TESC: variants seen among roughly 807,000 people sequenced by gnomAD.
TESC encodes the protein calcineurin B homologous protein 3.
TESC carries 19 observed loss-of-function variants against 31.0 expected under a neutral mutation model. The ratio of observed to expected loss-of-function variants is 0.61; its 90% CI spans 0.43 to 0.90. The LOEUF (loss-of-function observed/expected upper bound fraction) is 0.90, where lower values mean the gene tolerates loss of function less well. Among genes scored for constraint, TESC ranks in the 40% least tolerant of loss-of-function variants. TESC has a pLI of 0.00. For missense variants in TESC, 248 were observed against 303.8 expected (o/e 0.82, Z 1.36); for synonymous variants, 109 against 114.8 (o/e 0.95, Z 0.32).
chr12:117,052,449 C>A (rs1199912333), intron 3 of TESC, among the ~76,000 whole-genome samples: 2 of 152,184 alleles, frequency 1.3e-5, no homozygotes, highest in East Asian at 3.9e-4. Flanking sequence ...CTGTAGCCCA[C>A]GAAGTTGTTC....
chr12:117,075,951 A>G (rs1441689889), intron 1 of TESC, among the ~76,000 whole-genome samples: 8 of 77,872 alleles, frequency 1.0e-4, no homozygotes, highest in African/African-American at 3.7e-4. Flanking sequence ...GTATATATAC[A>G]TATATATATA....
chr12:117,067,769 C>A (rs1954907771), intron 2 of TESC, among the ~76,000 whole-genome samples: 1 of 152,198 alleles, frequency 6.6e-6, no homozygotes, highest in Non-Finnish European at 1.5e-5. Context: ...GTTGCTTAAT[C>A]TGTAAAATGG....
At chr12:117,051,486 G>A (rs940246000) in intron 3 of TESC, among the ~76,000 whole-genome samples, 1 of 151,924 alleles carries the variant, frequency 6.6e-6, no homozygotes, top group Non-Finnish European at 1.5e-5. Context: ...CTCTTTTATC[G>A]TATGAAGCTC....
In TESC at chr12:117,056,843, T is replaced by C. The variant is rs1238888743; in HGVS notation, c.172A>G (p.Ile58Val). Residue 58 changes from isoleucine (I) to valine (V), a missense_variant, in exon 3 of 8, where the codon ATC becomes GTC. Transcript: ENST00000335209. ...AAGGCACGAACAATTTTGGATCGGATGGGGTTGAGCTCCAGGTCCGGGACA... is the reference window on the plus strand; with the variant it reads ...AAGGCACGAACAATTTTGGATCGGACGGGGTTGAGCTCCAGGTCCGGGACA... ...NNVPDLELNP[I>V]RSKIVRAFFD... 6.2e-7 allele frequency: 1 copy of C among 1,614,048 alleles called. No individual in the cohort carries two copies. The highest frequency in any genetic ancestry group is 1.3e-5 in the African/African-American group (1 of 75,008).
rs1439820432 is a variant in TESC, at chr12:117,099,242, A to AT, written c.40_41insA (p.Leu14HisfsTer20). The AT allele has an allele frequency of 6.8e-7, 1 of 1,477,866 alleles. No individual in the cohort carries two copies. The highest frequency in any genetic ancestry group is 3.0e-5 in the East Asian group (1 of 33,708). 91.5% of individuals were successfully genotyped at this position (1,477,866 alleles called of 1,614,324 possible). A position where few individuals can be genotyped will look rare whatever the true frequency, so the allele number is the denominator to read the frequency against. ...GTACTCACAGCCGGTCTTGCCCTCGAGCTCCCGCACCTCCTCAGACGCGGA... is the reference window on the plus strand; with the variant it reads ...GTACTCACAGCCGGTCTTGCCCTCGATGCTCCCGCACCTCCTCAGACGCGGA... On this transcript the variant is annotated frameshift_variant, in exon 1 of 8. Coordinates refer to ENST00000335209, the MANE Select transcript of TESC (RefSeq NM_017899.4). LOFTEE classifies it high-confidence loss of function.
At chr12:117,090,214 T>C (rs1282506683) in intron 1 of TESC, among the ~76,000 whole-genome samples, 1 of 152,224 alleles carries the variant, frequency 6.6e-6, no homozygotes. Context: ...GAAGAGTGGT[T>C]GCAAGAATTA....
At chr12:117,086,035 T>C (rs1453216118) in intron 1 of TESC, among the ~76,000 whole-genome samples, 2 of 152,004 alleles carry the variant, frequency 1.3e-5, no homozygotes, top group African/African-American at 4.8e-5. Flanking sequence ...ACACTAGATA[T>C]ACAAGGCCAG....
intron 3 of TESC, among the ~76,000 whole-genome samples, chr12:117,052,584 G>A (rs544469557): frequency 1.2e-4 from 18 of 152,226 alleles, no homozygotes; most frequent in Middle Eastern, 3.4e-3. Flanking sequence ...GCCAGAGGCC[G>A]AGGTCCAGGG....
intron 2 of TESC, among the ~76,000 whole-genome samples, chr12:117,065,295 G>C (rs73405273): frequency 0.21 from 31,363 of 152,164 alleles, 4,326 homozygotes; most frequent in African/African-American, 0.4. Context: ...CAGGGGCTGG[G>C]GGAGCAGAGG....
chr12:117,064,815 C>G (rs1248571405), intron 2 of TESC, among the ~76,000 whole-genome samples: 1 of 152,168 alleles, frequency 6.6e-6, no homozygotes. Flanking sequence ...ATGTGTCCAG[C>G]TGGTGGGGAG....
intron 2 of TESC, among the ~76,000 whole-genome samples, chr12:117,061,503 T>C (rs1954800460): frequency 6.6e-6 from 1 of 151,444 alleles, no homozygotes; most frequent in East Asian, 1.9e-4. Flanking sequence ...GGAGAAGAAA[T>C]TAACTCAACA....
rs572012865 is a variant in TESC at position 117,040,146 on chromosome 12, C to G, written c.568-936G>C. On this transcript the variant is annotated intron_variant, in intron 7 of 7. Transcript: ENST00000335209. ...CGTGGGCACCCAGGCGACAGGGAGG[C>G]CTTGGGACATTTCCGGCCGCAGCCC... Among the ~76,000 whole-genome samples, 6 of 152,382 alleles carry G rather than the reference C, an allele frequency of 3.9e-5. No homozygotes were observed. The East Asian group carries it at 1.2e-3, about 29-fold the overall frequency.
chr12:117,082,486 G>A (rs1955162284), intron 1 of TESC, among the ~76,000 whole-genome samples: 1 of 148,844 alleles, frequency 6.7e-6, no homozygotes, highest in South Asian at 2.1e-4. Flanking sequence ...GGGGGGACAA[G>A]AGTGAGACTT....
Position 117,086,178 on chromosome 12 carries a change from T to C in TESC, c.59-10838A>G, listed in dbSNP as rs950725694. Among the ~76,000 whole-genome samples, 8 of 152,160 alleles carry C rather than the reference T, an allele frequency of 5.3e-5. No individual in the cohort carries two copies. In the East Asian group the frequency reaches 1.5e-3, roughly 29 times the overall value. ...GACTGCTAATGGGTATGAGGTTTTT[T>C]GGAGGGCGATGAAAATGCTCTAGAA... On this transcript the variant is annotated intron_variant, in intron 1 of 7. Coordinates refer to ENST00000335209, the MANE Select transcript of TESC (RefSeq NM_017899.4).
At chr12:117,050,853 A>G (rs1954638750) in intron 3 of TESC, among the ~76,000 whole-genome samples, 1 of 152,202 alleles carries the variant, frequency 6.6e-6, no homozygotes, top group African/African-American at 2.4e-5. Context: ...TGAGCCCAGG[A>G]GGCCGAGGCT....
chr12:117,098,840 C>T (rs1410323577), intron 1 of TESC, among the ~76,000 whole-genome samples: 3 of 152,186 alleles, frequency 2.0e-5, no homozygotes, highest in Non-Finnish European at 2.9e-5. Context: ...TCCGCTCTCG[C>T]GCTCACGAAT....
At chr12:117,047,899 A>G (rs1007846734) in intron 4 of TESC, among the ~76,000 whole-genome samples, 1 of 151,900 alleles carries the variant, frequency 6.6e-6, no homozygotes, top group Non-Finnish European at 1.5e-5. Flanking sequence ...CAGCACCACT[A>G]TGCCGTGCTC....
At position 117,064,681 on chromosome 12, in the gene TESC, G is replaced by A. The variant is rs368557189; in HGVS notation, c.129-7795C>T. On this transcript the variant is annotated intron_variant, in intron 2 of 7. Transcript: ENST00000335209. ...GATGAGTACTTTGCAGAGAAATTCA[G>A]CAGAGAAAGGGAGGGGACCACAGGA... Among the ~76,000 whole-genome samples, 31 of 152,340 alleles carry A rather than the reference G, an allele frequency of 2.0e-4. 1 individual carries two copies. Among genetic ancestry groups the A allele is most frequent in the Admixed American group, 5.9e-4 (9 of 15,302 alleles).
At chr12:117,074,765 G>A (rs552847662) in intron 2 of TESC, among the ~76,000 whole-genome samples, 2 of 152,308 alleles carry the variant, frequency 1.3e-5, no homozygotes, top group South Asian at 2.1e-4. Flanking sequence ...TCGCTTCCAC[G>A]ATAGTTATAA....
Sources: allele counts gnomAD v4.1 joint callset (sites outside exome capture counted in the v4.1 genomes callset), GRCh38; gene constraint gnomAD v4.1.1; transcripts MANE v1.5; gene names NCBI Gene and HGNC (gene_info 2026-07-23, HGNC 2026-07-21).